The following RAB38 variants were observed in gnomAD, a reference collection of about 807,000 sequenced individuals.
RAB38 encodes the protein ras-related protein Rab-38.
In RAB38, 15 loss-of-function variants were observed where a neutral mutation model predicts 18.4. The ratio of observed to expected loss-of-function variants is 0.82; its 90% CI spans 0.55 to 1.26. The LOEUF is 1.26. Ranked by LOEUF, RAB38 falls within the 50% of genes most tolerant of loss-of-function variation. The pLI is 0.00. For missense variants in RAB38, 294 were observed against 267.4 expected (o/e 1.10, Z -0.69); for synonymous variants, 101 against 104.4 (o/e 0.97, Z 0.20).
At chr11:88,102,547 G>A in the RAB38 span, among the ~76,000 whole-genome samples, 4 of 152,102 alleles carry the variant, frequency 2.6e-5, no homozygotes, top group Non-Finnish European at 5.9e-5. Context: ...AAGGGACACT[G>A]AAGTGTACTA....
chr11:87,859,002 A>C, the RAB38 span, among the ~76,000 whole-genome samples: 3 of 151,822 alleles, frequency 2.0e-5, no homozygotes, highest in South Asian at 6.2e-4. Flanking sequence ...TAGAATAAAT[A>C]AAAATATAAA....
At chr11:87,975,604 T>C in the RAB38 span, among the ~76,000 whole-genome samples, 2 of 151,846 alleles carry the variant, frequency 1.3e-5, no homozygotes, top group African/African-American at 2.4e-5. Flanking sequence ...TGGTAACATT[T>C]TATTGTGAAG....
At chr11:87,838,524 G>C in the RAB38 span, among the ~76,000 whole-genome samples, 1 of 152,130 alleles carries the variant, frequency 6.6e-6, no homozygotes, top group Non-Finnish European at 1.5e-5. Flanking sequence ...GTATTGAGGT[G>C]GTTTTGTGAG....
At chr11:87,814,408 T>C in the RAB38 span, among the ~76,000 whole-genome samples, 1 of 152,222 alleles carries the variant, frequency 6.6e-6, no homozygotes, top group African/African-American at 2.4e-5. Flanking sequence ...CTTATATGCA[T>C]GTGGATTAAG....
the RAB38 span, among the ~76,000 whole-genome samples, chr11:87,820,485 C>T: frequency 6.6e-6 from 1 of 152,162 alleles, no homozygotes; most frequent in Admixed American, 6.5e-5. Flanking sequence ...TATAATCTCA[C>T]CATCTGGTTC....
At chr11:87,832,364 T>C in the RAB38 span, among the ~76,000 whole-genome samples, 1 of 152,194 alleles carries the variant, frequency 6.6e-6, no homozygotes, top group Non-Finnish European at 1.5e-5. Context: ...CTCACAGTTG[T>C]GTAGTTCTGA....
the RAB38 span, among the ~76,000 whole-genome samples, chr11:88,003,867 AT>A: frequency 0.16 from 699 of 4,440 alleles, 259 homozygotes; most frequent in East Asian, 0.68. Context: ...TATAAATATA[AT>A]TATATATTTA....
At chr11:87,836,558 T>G in the RAB38 span, among the ~76,000 whole-genome samples, 4 of 152,080 alleles carry the variant, frequency 2.6e-5, no homozygotes, top group African/African-American at 9.7e-5. Context: ...CCACAAAATC[T>G]CAATTGTTTT....
intron 2 of RAB38, among the ~76,000 whole-genome samples, chr11:88,120,801 C>T (rs572055903): frequency 3.3e-5 from 5 of 152,228 alleles, no homozygotes; most frequent in African/African-American, 4.8e-5. Context: ...TAGGTCTCCC[C>T]GCTTACGTAC....
At chr11:88,022,937 G>A in the RAB38 span, among the ~76,000 whole-genome samples, 2 of 152,102 alleles carry the variant, frequency 1.3e-5, no homozygotes, top group African/African-American at 4.8e-5. Context: ...ACTTATAAGT[G>A]GGAGTTAAGT....
At chr11:87,842,883 A>C in the RAB38 span, among the ~76,000 whole-genome samples, 2 of 152,116 alleles carry the variant, frequency 1.3e-5, no homozygotes, top group Non-Finnish European at 2.9e-5. Context: ...GAAACAAAAA[A>C]CATTTTTTAT....
the RAB38 span, among the ~76,000 whole-genome samples, chr11:88,013,325 A>G: frequency 6.6e-6 from 1 of 152,144 alleles, no homozygotes; most frequent in East Asian, 1.9e-4. Context: ...TGTTTGTTTT[A>G]GTTCATCAAT....
the RAB38 span, chr11:87,880,047 A>G: frequency 6.6e-6 from 1 of 151,806 alleles, no homozygotes; most frequent in Admixed American, 6.6e-5. Context: ...ATATAAAATG[A>G]ATGAATGAAT....
intron 2 of RAB38, among the ~76,000 whole-genome samples, chr11:88,141,190 C>A (rs1157713293): frequency 6.6e-6 from 1 of 152,122 alleles, no homozygotes; most frequent in Non-Finnish European, 1.5e-5. Flanking sequence ...GCAGAACCAA[C>A]TGGGCACAAG....
the RAB38 span, among the ~76,000 whole-genome samples, chr11:87,951,201 G>T: frequency 1.1e-4 from 16 of 152,082 alleles, no homozygotes; most frequent in African/African-American, 3.6e-4. Context: ...TTCTGCATTC[G>T]TCACATAGCT....
the RAB38 span, among the ~76,000 whole-genome samples, chr11:87,811,095 C>T: frequency 6.6e-6 from 1 of 152,204 alleles, no homozygotes; most frequent in Non-Finnish European, 1.5e-5. Context: ...AAGATTCTCC[C>T]TTAGGCTGGG....
rs1376143457 is a variant in RAB38, at chr11:88,172,393, T to C, written c.202+2790A>G. On this transcript the variant is annotated intron_variant, in intron 1 of 2. Transcript: ENST00000243662. ...AATCTACATGGCTATAAGAGACACATCATGGGAATTTAGTAGATTAAAAAG... is the reference window on the plus strand; with the variant it reads ...AATCTACATGGCTATAAGAGACACACCATGGGAATTTAGTAGATTAAAAAG... Among the ~76,000 whole-genome samples, 4 of 152,310 alleles carry C rather than the reference T, an allele frequency of 2.6e-5. No homozygotes were observed. The East Asian group carries it at 7.7e-4, about 29-fold the overall frequency.
the RAB38 span, among the ~76,000 whole-genome samples, chr11:87,966,948 G>A: frequency 1.3e-5 from 2 of 152,300 alleles, no homozygotes; most frequent in South Asian, 2.1e-4. Context: ...GTTCCCAAAG[G>A]ACTCACAATC....
intron 2 of RAB38, among the ~76,000 whole-genome samples, chr11:88,116,098 C>A (rs916450515): frequency 6.6e-6 from 1 of 152,180 alleles, no homozygotes; most frequent in Non-Finnish European, 1.5e-5. Context: ...CTTAGTGTCA[C>A]GTCTAAGGGT....
Sources: gnomAD v4.1 joint callset for allele counts (sites outside exome capture counted in the v4.1 genomes callset) on GRCh38, gnomAD v4.1.1 for gene constraint, MANE v1.5 for transcripts, NCBI Gene and HGNC (gene_info 2026-07-23, HGNC 2026-07-21) for gene names.